The following DAB1 variants were observed in gnomAD, a reference collection of about 807,000 sequenced individuals.
The protein encoded by DAB1 is disabled homolog 1.
In DAB1, 15 loss-of-function variants were observed where a neutral mutation model predicts 64.6. The observed-to-expected ratio is 0.23, with a 90% CI of 0.16 to 0.36. The LOEUF is 0.36. Among genes scored for constraint, DAB1 ranks in the 10% least tolerant of loss-of-function variants. DAB1 has a pLI of 1.00. For synonymous variants in DAB1, 235 were observed against 251.9 expected, an observed-to-expected ratio of 0.93 and a Z score of 0.64; for missense variants, 596 against 706.7, an observed-to-expected ratio of 0.84 and a Z score of 1.78.
chr1:57,583,172 T>A (rs1157127779), intron 7 of DAB1, among the ~76,000 whole-genome samples: 5 of 152,190 alleles, frequency 3.3e-5, no homozygotes. Context: ...CAGCTACTTT[T>A]ATCCAGGTCA....
chr1:57,612,440 G>A (rs1645739511), intron 7 of DAB1, among the ~76,000 whole-genome samples: 1 of 151,992 alleles, frequency 6.6e-6, no homozygotes, highest in Admixed American at 6.6e-5. Flanking sequence ...ATAATTACAG[G>A]GTTCTTATTA....
chr1:57,377,525 G>C (rs540169800), intron 1 of DAB1, among the ~76,000 whole-genome samples: 1 of 152,294 alleles, frequency 6.6e-6, no homozygotes, highest in African/African-American at 2.4e-5. Flanking sequence ...ATAGGCATAT[G>C]TATATAGTCT....
chr1:58,185,332 C>G (rs568280924), intron 4 of DAB1, among the ~76,000 whole-genome samples: 52 of 152,240 alleles, frequency 3.4e-4, no homozygotes, highest in Non-Finnish European at 7.1e-4. Flanking sequence ...AGGAAACATA[C>G]ACAAATGGGA....
chr1:57,645,586 G>T (rs1199465780), intron 7 of DAB1, among the ~76,000 whole-genome samples: 1 of 152,196 alleles, frequency 6.6e-6, no homozygotes, highest in Admixed American at 6.5e-5. Flanking sequence ...AGTAATAACT[G>T]CTGACATTAT....
At chr1:58,530,650 C>T (rs140332358) in intron 1 of DAB1, 7 of 872,638 alleles carry the variant, frequency 8.0e-6, no homozygotes, top group East Asian at 2.4e-5. Flanking sequence ...CAAGCTATCT[C>T]GAGGACAAAT....
intron 4 of DAB1, among the ~76,000 whole-genome samples, chr1:57,090,181 C>A (rs472811): frequency 0.55 from 84,131 of 151,956 alleles, 23,655 homozygotes; most frequent in Admixed American, 0.65. Context: ...TGAAGCTTAT[C>A]AAAGAGATGT....
At chr1:57,587,501 T>C (rs1417760) in intron 7 of DAB1, among the ~76,000 whole-genome samples, 105,462 of 152,056 alleles carry the variant, frequency 0.69, 36,830 homozygotes, top group South Asian at 0.78. Context: ...GTCACACAGT[T>C]AATAAAGGGC....
rs67230027 is a variant in DAB1 at position 58,370,374 on chromosome 1, CGTGTGTGTGTGTGTGT to C, written n.258-26987_258-26972del. Among the ~76,000 whole-genome samples, 91 of 144,558 alleles carry C rather than the reference CGTGTGTGTGTGTGTGT, an allele frequency of 6.3e-4. No homozygotes were observed. The South Asian group carries it at 7.5e-3, about 12-fold the overall frequency. 94.8% of individuals were successfully genotyped at this position (144,558 alleles called of 152,430 possible). The stretch of plus-strand genomic sequence containing the variant: ...ACTGTATGTTACTTATGAGTGTGTG[CGTGTGTGTGTGTGTGT>C]GTGTGTGTGTGTGTGTGTGTGTGTG... On this transcript the variant is annotated intron_variant and non_coding_transcript_variant, in intron 3 of 20. Coordinates refer to the DAB1 transcript ENST00000485760.
chr1:57,887,500 T>G (rs1644241850), upstream of DAB1, among the ~76,000 whole-genome samples: 1 of 152,220 alleles, frequency 6.6e-6, no homozygotes, highest in Non-Finnish European at 1.5e-5. Context: ...AGAGACACTG[T>G]GCTAAAACTA....
chr1:58,036,117 G>GT (rs1171319203), intron 5 of DAB1, among the ~76,000 whole-genome samples: 1 of 152,214 alleles, frequency 6.6e-6, no homozygotes, highest in Non-Finnish European at 1.5e-5. Context: ...GTAGGAAGTT[G>GT]TTTGTGTAGC....
chr1:57,192,975 A>G (rs545912423), intron 2 of DAB1, among the ~76,000 whole-genome samples: 2 of 152,284 alleles, frequency 1.3e-5, no homozygotes, highest in East Asian at 3.9e-4. Context: ...AGTGTACAAC[A>G]TGATGTTTTG....
chr1:57,734,254 T>G (rs1647576645), intron 6 of DAB1, among the ~76,000 whole-genome samples: 1 of 152,230 alleles, frequency 6.6e-6, no homozygotes, highest in African/African-American at 2.4e-5. Context: ...GGGCACACTT[T>G]TATGCTGGAG....
intron 4 of DAB1, among the ~76,000 whole-genome samples, chr1:57,118,010 G>A (rs1164701388): frequency 1.3e-5 from 2 of 152,194 alleles, no homozygotes; most frequent in African/African-American, 4.8e-5. Flanking sequence ...TGAGGACACA[G>A]CCCAGTGACT....
intron 5 of DAB1, chr1:58,084,473 C>A: frequency 6.2e-6 from 1 of 162,366 alleles, no homozygotes. Flanking sequence ...TTTCAAAGGT[C>A]TGATGAGTCA....
intron 1 of DAB1, chr1:57,863,105 C>G (rs1018178266): frequency 6.6e-6 from 1 of 152,142 alleles, no homozygotes; most frequent in Non-Finnish European, 1.5e-5. Context: ...TAAAAAGGAA[C>G]TATTAATACA....
Position 57,960,660 on chromosome 1 carries a change from T to C in DAB1, n.388-76498A>G, listed in dbSNP as rs879774876. Among the ~76,000 whole-genome samples the C allele has an allele frequency of 3.3e-5, 5 of 152,364 alleles. No individual in the cohort carries two copies. The East Asian group carries it at 9.6e-4, about 29-fold the overall frequency. On this transcript the variant is annotated intron_variant and non_coding_transcript_variant, in intron 5 of 20. Transcript: ENST00000485760. ...TGGAAATGGCTGTAAGTGCTAGATTTCAGAGAAGGAAGAGATCTTCGGAGG... is the reference window on the plus strand; with the variant it reads ...TGGAAATGGCTGTAAGTGCTAGATTCCAGAGAAGGAAGAGATCTTCGGAGG...
At chr1:57,439,679 G>A (rs1685862934) in intron 7 of DAB1, among the ~76,000 whole-genome samples, 2 of 147,430 alleles carry the variant, frequency 1.4e-5, no homozygotes, top group East Asian at 2.0e-4. Flanking sequence ...TGCCTGCCTC[G>A]GCCTCCCAAA....
intron 5 of DAB1, among the ~76,000 whole-genome samples, chr1:57,933,701 TC>T (rs1644984805): frequency 6.7e-6 from 1 of 150,144 alleles, no homozygotes; most frequent in South Asian, 2.4e-4. Flanking sequence ...CTTGTAAAAA[TC>T]TTTTACAGGT....
At chr1:57,429,164 C>T (rs980432731) in intron 7 of DAB1, among the ~76,000 whole-genome samples, 2 of 152,162 alleles carry the variant, frequency 1.3e-5, no homozygotes, top group African/African-American at 4.8e-5. Context: ...ATCCTCCTGC[C>T]TCACCTTCCA....
Sources: allele counts gnomAD v4.1 joint callset (sites outside exome capture counted in the v4.1 genomes callset), GRCh38; gene constraint gnomAD v4.1.1; transcripts MANE v1.5; gene names NCBI Gene and HGNC (gene_info 2026-07-23, HGNC 2026-07-21).